STOX2: variants seen among roughly 807,000 people sequenced by gnomAD.
The protein encoded by STOX2 is storkhead-box protein 2.
A neutral mutation model predicts 60.9 loss-of-function variants in STOX2; 28 were observed. The ratio of observed to expected loss-of-function variants is 0.46; its 90% CI spans 0.34 to 0.63. The LOEUF is 0.63. STOX2 is among the 30% of genes least tolerant of loss of function. The pLI, the probability that STOX2 is intolerant of heterozygous loss-of-function variation, is 0.01. For synonymous variants in STOX2, 472 were observed against 463.9 expected, an observed-to-expected ratio of 1.02 and a Z score of -0.22; for missense variants, 1,024 against 1,187.7, an observed-to-expected ratio of 0.86 and a Z score of 2.03.
intron 2 of STOX2, among the ~76,000 whole-genome samples, chr4:184,005,310 A>G (rs1190654772): frequency 6.6e-6 from 1 of 151,968 alleles, no homozygotes; most frequent in Non-Finnish European, 1.5e-5. Flanking sequence ...AAAATACAAA[A>G]ATTAGCTGGG....
intron 1 of STOX2, among the ~76,000 whole-genome samples, chr4:183,802,518 C>T (rs561169033): frequency 6.6e-6 from 1 of 151,734 alleles, no homozygotes; most frequent in African/African-American, 2.4e-5. Context: ...GGGCTATAGG[C>T]ACACACCACT....
intron 1 of STOX2, among the ~76,000 whole-genome samples, chr4:183,954,355 C>T (rs533577715): frequency 2.6e-5 from 4 of 152,178 alleles, no homozygotes; most frequent in Non-Finnish European, 4.4e-5. Context: ...GTGGCATGAT[C>T]TTGGCTCGCT....
chr4:183,815,833 G>A (rs1282712677), intron 1 of STOX2, among the ~76,000 whole-genome samples: 1 of 152,256 alleles, frequency 6.6e-6, no homozygotes, highest in Non-Finnish European at 1.5e-5. Context: ...GTTGAAAAGT[G>A]TCTATTTTCA....
chr4:183,841,745 A>G (rs950788256), intron 1 of STOX2, among the ~76,000 whole-genome samples: 31 of 152,250 alleles, frequency 2.0e-4, no homozygotes, highest in Admixed American at 2.0e-3. Context: ...GATTATACAG[A>G]GCAACTCTTA....
chr4:183,993,775 C>G (rs1423243606), intron 1 of STOX2, among the ~76,000 whole-genome samples: 1 of 152,202 alleles, frequency 6.6e-6, no homozygotes, highest in Non-Finnish European at 1.5e-5. Flanking sequence ...CAGTTTTCTT[C>G]TGAATGTCAA....
rs543121011 is a variant in STOX2, at chr4:183,883,242, T to G, written c.364+85187T>G. Among the ~76,000 whole-genome samples, 3 of 152,326 alleles carry G rather than the reference T, an allele frequency of 2.0e-5. No homozygotes were observed. In the East Asian group the frequency reaches 5.8e-4, roughly 29 times the overall value. The stretch of plus-strand genomic sequence containing the variant: ...GACCCTTGAAAAATAGCTACAATAC[T>G]ATTACTAACCTAAGCAAATTAGAAG... On this transcript the variant is annotated intron_variant, in intron 1 of 2. Coordinates refer to the STOX2 transcript ENST00000513034.
chr4:183,957,181 A>C (rs1037224471), intron 1 of STOX2, among the ~76,000 whole-genome samples: 1 of 149,860 alleles, frequency 6.7e-6, no homozygotes, highest in South Asian at 2.1e-4. Context: ...TAATAATAAT[A>C]ATAAAAGAAA....
chr4:183,907,754 G>C (rs1741661195), intron 1 of STOX2, among the ~76,000 whole-genome samples: 1 of 152,240 alleles, frequency 6.6e-6, no homozygotes, highest in Non-Finnish European at 1.5e-5. Flanking sequence ...TGGGAACCCA[G>C]GGATGAAATT....
intron 1 of STOX2, among the ~76,000 whole-genome samples, chr4:183,961,417 C>G (rs915713005): frequency 6.6e-6 from 1 of 152,136 alleles, no homozygotes; most frequent in Non-Finnish European, 1.5e-5. Context: ...AGCCACCTTG[C>G]TTTATGTGAG....
upstream of STOX2, among the ~76,000 whole-genome samples, chr4:183,902,025 T>C (rs991983122): frequency 1.3e-5 from 2 of 152,214 alleles, no homozygotes; most frequent in African/African-American, 4.8e-5. Context: ...GTAGTTAATA[T>C]ATCTGACGAG....
chr4:183,870,997 T>C (rs1303802114), intron 1 of STOX2, among the ~76,000 whole-genome samples: 3 of 152,240 alleles, frequency 2.0e-5, no homozygotes, highest in Non-Finnish European at 4.4e-5. Context: ...ACTGGTTATA[T>C]GTGGCTTACT....
At chr4:183,857,313 T>G in intron 1 of STOX2, among the ~76,000 whole-genome samples, 7 of 151,200 alleles carry the variant, frequency 4.6e-5, no homozygotes, top group African/African-American at 1.5e-4. Flanking sequence ...GGACTGGTTA[T>G]CCTGCAGTAC....
At chr4:183,946,440 C>T (rs535993723) in intron 1 of STOX2, among the ~76,000 whole-genome samples, 48 of 152,110 alleles carry the variant, frequency 3.2e-4, no homozygotes, top group Admixed American at 5.2e-4. Context: ...CCCATGGATA[C>T]CAAAATCTGA....
intron 1 of STOX2, among the ~76,000 whole-genome samples, chr4:183,980,699 GT>G (rs5864862): frequency 0.55 from 82,131 of 148,776 alleles, 22,356 homozygotes; most frequent in African/African-American, 0.58. Flanking sequence ...CTTATTCATA[GT>G]TTTTTTTTTT....
At chr4:183,963,553 A>G (rs1427369660) in intron 1 of STOX2, among the ~76,000 whole-genome samples, 4 of 151,194 alleles carry the variant, frequency 2.6e-5, no homozygotes, top group Non-Finnish European at 5.9e-5. Context: ...CAGCCTCCTG[A>G]GTAGCTGGGA....
chr4:183,867,707 C>T (rs750307469), intron 1 of STOX2, among the ~76,000 whole-genome samples: 2 of 152,282 alleles, frequency 1.3e-5, no homozygotes, highest in African/African-American at 2.4e-5. Flanking sequence ...TAATTCTTGG[C>T]GTGTGCAATC....
chr4:183,936,983 T>C (rs1425789140), intron 1 of STOX2, among the ~76,000 whole-genome samples: 1 of 152,228 alleles, frequency 6.6e-6, no homozygotes, highest in Non-Finnish European at 1.5e-5. Context: ...AAAGACATTA[T>C]CTTACTCACT....
intron 1 of STOX2, among the ~76,000 whole-genome samples, chr4:183,947,166 C>T (rs1021230204): frequency 1.3e-5 from 2 of 152,174 alleles, no homozygotes; most frequent in African/African-American, 4.8e-5. Context: ...GCACATCCTC[C>T]TGTATACTTT....
In STOX2 at chr4:184,009,606, T is replaced by C; in HGVS notation, c.768T>C (p.Pro256=). 1.9e-6 allele frequency: 3 copies of C among 1,613,824 alleles called. No homozygotes were observed. The highest frequency in any genetic ancestry group is 2.5e-6 in the Non-Finnish European group (3 of 1,179,854). ...FSYKTETLSK[P]KDSEKQSKKF... Reference sequence around the variant, plus strand: ...ATAAGACAGAAACTCTCTCAAAACCTAAAGATAGTGAAAAGCAGTCAAAAA... The same window carrying C: ...ATAAGACAGAAACTCTCTCAAAACCCAAAGATAGTGAAAAGCAGTCAAAAA... The change falls in exon 3 of 4, where the codon CCT becomes CCC. Residue 256 remains proline (P), a synonymous_variant. Transcript: ENST00000308497. The surrounding 1 kb of genome is among the most constrained non-coding windows in gnomAD (Gnocchi z 4.0).
Sources: allele counts gnomAD v4.1 joint callset (sites outside exome capture counted in the v4.1 genomes callset), GRCh38; gene constraint gnomAD v4.1.1; non-coding constraint Gnocchi (gnomAD v3.1); transcripts MANE v1.5; gene names NCBI Gene and HGNC (gene_info 2026-07-23, HGNC 2026-07-21).